The following TNNI3K variants were observed in gnomAD, a reference collection of about 807,000 sequenced individuals.
The protein encoded by TNNI3K is TNNI3 interacting kinase, also known as serine/threonine-protein kinase TNNI3K.
In TNNI3K, 140 loss-of-function variants were observed where a neutral mutation model predicts 114.5. The ratio of observed to expected loss-of-function variants is 1.22; its 90% CI spans 1.07 to 1.41. TNNI3K has a LOEUF of 1.41. Ranked by LOEUF, TNNI3K falls within the 40% of genes most tolerant of loss-of-function variation. The probability of loss-of-function intolerance (pLI) is 0.00; values close to 1 mark genes in which losing one functional copy is unlikely to be tolerated. For missense variants in TNNI3K, 1,125 were observed against 1,007.6 expected, an observed-to-expected ratio of 1.12 and a Z score of -1.58; for synonymous variants, 347 against 347.5, an observed-to-expected ratio of 1.00 and a Z score of 0.02.
chr1:74,430,137 A>T (rs554767775), intron 17 of TNNI3K, among the ~76,000 whole-genome samples: 3 of 152,230 alleles, frequency 2.0e-5, no homozygotes, highest in South Asian at 2.1e-4. Flanking sequence ...GCCACCATGA[A>T]CTTCAGTCCA....
intron 21 of TNNI3K, among the ~76,000 whole-genome samples, chr1:74,476,543 C>T (rs976115960): frequency 6.6e-6 from 1 of 152,144 alleles, no homozygotes; most frequent in Non-Finnish European, 1.5e-5. Context: ...GTGTCCACAA[C>T]TCTGAGACAA....
intron 23 of TNNI3K, among the ~76,000 whole-genome samples, chr1:74,525,387 A>G (rs45502291): frequency 0.012 from 1,892 of 152,184 alleles, 52 homozygotes; most frequent in African/African-American, 0.044. Flanking sequence ...GAAGGTAAAA[A>G]ATTTTGCTTA....
chr1:74,280,210 G>C (rs555805099), intron 5 of TNNI3K, among the ~76,000 whole-genome samples: 3 of 151,960 alleles, frequency 2.0e-5, no homozygotes, highest in African/African-American at 7.3e-5. Flanking sequence ...GTGAAACCCC[G>C]TCTCTACTAA....
At chr1:74,477,767 T>C (rs555014695) in intron 21 of TNNI3K, among the ~76,000 whole-genome samples, 4 of 152,184 alleles carry the variant, frequency 2.6e-5, no homozygotes, top group African/African-American at 9.6e-5. Context: ...AAATGAAGCT[T>C]GTAGGCAGGC....
intron 17 of TNNI3K, among the ~76,000 whole-genome samples, chr1:74,391,847 A>G (rs965640907): frequency 1.3e-5 from 2 of 151,914 alleles, no homozygotes; most frequent in Non-Finnish European, 2.9e-5. Flanking sequence ...CTGAGAGGGG[A>G]GCATTTTTCA....
intron 23 of TNNI3K, among the ~76,000 whole-genome samples, chr1:74,511,729 C>T (rs1670236988): frequency 6.6e-6 from 1 of 151,878 alleles, no homozygotes; most frequent in Non-Finnish European, 1.5e-5. Flanking sequence ...TGTAGGAAGC[C>T]CTGTGAGCCT....
At chr1:74,471,888 G>A (rs139454304) in intron 21 of TNNI3K, 1 of 482,224 alleles carries the variant, frequency 2.1e-6, no homozygotes, top group African/African-American at 2.0e-5. Flanking sequence ...ATTGCTCACA[G>A]GGCACATATT....
At chr1:74,274,382 C>T (rs2100900280) in intron 5 of TNNI3K, among the ~76,000 whole-genome samples, 1 of 151,860 alleles carries the variant, frequency 6.6e-6, no homozygotes, top group South Asian at 2.1e-4. Context: ...ATAGTTCAAA[C>T]CTGTGTTGTT....
chr1:74,540,084 C>G, intron 23 of TNNI3K, 150 bp from the exon 24 acceptor site: 1 of 734,634 alleles, frequency 1.4e-6, no homozygotes, highest in Non-Finnish European at 2.1e-6. Flanking sequence ...ATTCTGAACT[C>G]TTCCCCAACT....
At chr1:74,403,452 A>G (rs1035388843) in intron 17 of TNNI3K, among the ~76,000 whole-genome samples, 2 of 152,140 alleles carry the variant, frequency 1.3e-5, no homozygotes, top group Non-Finnish European at 2.9e-5. Flanking sequence ...GTTACTGCCA[A>G]ACTTTCAGTA....
intron 17 of TNNI3K, among the ~76,000 whole-genome samples, chr1:74,393,933 T>C (rs1030660260): frequency 2.0e-5 from 3 of 152,210 alleles, no homozygotes; most frequent in Non-Finnish European, 4.4e-5. Flanking sequence ...GCTCAGGTGG[T>C]AATACTGACC....
intron 17 of TNNI3K, among the ~76,000 whole-genome samples, chr1:74,403,551 AG>A (rs1664474211): frequency 6.6e-6 from 1 of 152,180 alleles, no homozygotes; most frequent in African/African-American, 2.4e-5. Context: ...TATTAACATT[AG>A]ATTCAAACCC....
chr1:74,419,351 T>C (rs997024079), intron 17 of TNNI3K, among the ~76,000 whole-genome samples: 10 of 152,124 alleles, frequency 6.6e-5, no homozygotes, highest in African/African-American at 2.2e-4. Flanking sequence ...AAAACTTAAT[T>C]ACTTAATTAC....
chr1:74,314,153 C>A (rs1008627325), intron 5 of TNNI3K, among the ~76,000 whole-genome samples: 2 of 146,724 alleles, frequency 1.4e-5, no homozygotes, highest in African/African-American at 5.0e-5. Context: ...CAGTATTCCC[C>A]ATATATATAT....
chr1:74,322,689 C>T (rs1218071156), intron 5 of TNNI3K, among the ~76,000 whole-genome samples: 2 of 151,914 alleles, frequency 1.3e-5, no homozygotes, highest in Non-Finnish European at 2.9e-5. Flanking sequence ...TAAAACTCCT[C>T]AGCTCAGGCA....
At chr1:74,471,761 C>T (rs893643969) in intron 21 of TNNI3K, 3 of 406,816 alleles carry the variant, frequency 7.4e-6, no homozygotes, top group Non-Finnish European at 1.3e-5. Context: ...CCTGATAAAT[C>T]TATGTTGTCC....
intron 5 of TNNI3K, among the ~76,000 whole-genome samples, chr1:74,326,086 A>C (rs1305470163): frequency 1.3e-5 from 2 of 152,178 alleles, no homozygotes; most frequent in Non-Finnish European, 2.9e-5. Flanking sequence ...CATTGGTATA[A>C]GCATGAATTT....
chr1:74,436,201 G>T (rs1570617082), intron 18 of TNNI3K, 69 bp downstream of exon 18: 1 of 1,585,998 alleles, frequency 6.3e-7, no homozygotes, highest in South Asian at 1.1e-5. Context: ...GCCTGATATT[G>T]TACCATGAAA....
chr1:74,472,041 G>T (rs1035299252), intron 21 of TNNI3K: 1 of 710,756 alleles, frequency 1.4e-6, no homozygotes, highest in Non-Finnish European at 2.6e-6. Flanking sequence ...TGGATGATGA[G>T]CTTGTAATAA....
Sources: gnomAD v4.1 joint callset for allele counts (sites outside exome capture counted in the v4.1 genomes callset) on GRCh38, gnomAD v4.1.1 for gene constraint, MANE v1.5 for transcripts, NCBI Gene and HGNC (gene_info 2026-07-23, HGNC 2026-07-21) for gene names.